The following TBC1D5 variants were observed in gnomAD, a reference collection of about 807,000 sequenced individuals.
TBC1D5 encodes TBC1 domain family member 5, also known as TBC1 domain family, member 5.
TBC1D5 carries 75 observed loss-of-function variants against 100.3 expected under a neutral mutation model. That is an observed-to-expected ratio of 0.75 (90% CI 0.62 to 0.91). TBC1D5 has a LOEUF of 0.91. Ranked by LOEUF, TBC1D5 falls within the 40% of genes least tolerant of loss-of-function variation. The probability of loss-of-function intolerance (pLI) is 0.00; values close to 1 mark genes in which losing one functional copy is unlikely to be tolerated. For missense variants in TBC1D5, 910 were observed against 942.4 expected (o/e 0.97, Z 0.45); for synonymous variants, 323 against 325.6 (o/e 0.99, Z 0.09).
At chr3:17,515,891 C>T (rs2095980143) in intron 2 of TBC1D5, among the ~76,000 whole-genome samples, 1 of 152,064 alleles carries the variant, frequency 6.6e-6, no homozygotes, top group Non-Finnish European at 1.5e-5. Flanking sequence ...ATGAAAAAAT[C>T]ACACTTGATC....
chr3:17,475,033 C>G lies in TBC1D5; in HGVS notation c.97+33441G>C, dbSNP rs932176326. Among the ~76,000 whole-genome samples, 6 of 152,150 alleles carry G rather than the reference C, an allele frequency of 3.9e-5. 1 individual carries two copies. The South Asian group carries it at 6.2e-4, about 16-fold the overall frequency. ...AATTATTAAGCATCCAAAATATTGC[C>G]TAAGAATTGCTAGTTTATGTCCTTT... is the stretch of plus-strand genomic sequence containing the variant. On this transcript the variant is annotated intron_variant, in intron 3 of 21. Coordinates refer to ENST00000253692, the Ensembl canonical transcript of TBC1D5.
At chr3:17,273,030 A>T (rs1409469453) in intron 15 of TBC1D5, among the ~76,000 whole-genome samples, 1 of 151,654 alleles carries the variant, frequency 6.6e-6, no homozygotes, top group African/African-American at 2.4e-5. Context: ...CTTGACTTTT[A>T]TTTTTTTATG....
chr3:17,376,472 G>A (rs1285711035), intron 10 of TBC1D5, 53 bp downstream of exon 10: 1 of 1,503,074 alleles, frequency 6.7e-7, no homozygotes, highest in Non-Finnish European at 9.1e-7. Context: ...AAAAACAAAG[G>A]TTACCGTGGG....
At chr3:17,705,371 C>T (rs1251102260) in intron 1 of TBC1D5, among the ~76,000 whole-genome samples, 2 of 127,626 alleles carry the variant, frequency 1.6e-5, no homozygotes, top group East Asian at 3.4e-4. Flanking sequence ...CCCTCCCGGA[C>T]GGGGTGGCTG....
intron 16 of TBC1D5, among the ~76,000 whole-genome samples, chr3:17,238,868 T>C (rs750638057): frequency 7.9e-5 from 12 of 152,166 alleles, no homozygotes; most frequent in Non-Finnish European, 1.3e-4. Context: ...AAGCTAAGAA[T>C]AGATTTCTTA....
chr3:17,233,402 T>C (rs975735908), intron 17 of TBC1D5, among the ~76,000 whole-genome samples: 4 of 152,172 alleles, frequency 2.6e-5, no homozygotes, highest in Non-Finnish European at 4.4e-5. Context: ...AAGTATACTA[T>C]GTTATAATAA....
At chr3:17,475,462 T>A (rs1343632351) in intron 3 of TBC1D5, among the ~76,000 whole-genome samples, 1 of 152,124 alleles carries the variant, frequency 6.6e-6, no homozygotes, top group Non-Finnish European at 1.5e-5. Flanking sequence ...CTTTAGTAAA[T>A]GTTATCACCT....
At chr3:17,657,525 C>T (rs2066208937) in intron 1 of TBC1D5, among the ~76,000 whole-genome samples, 1 of 151,938 alleles carries the variant, frequency 6.6e-6, no homozygotes, top group Admixed American at 6.6e-5. Context: ...TTAGTAAAGA[C>T]AGGGTTTCAC....
chr3:17,468,347 C>T (rs1010357213), intron 3 of TBC1D5, among the ~76,000 whole-genome samples: 17 of 152,180 alleles, frequency 1.1e-4, no homozygotes, highest in African/African-American at 3.9e-4. Context: ...CCAAAACTTA[C>T]ATGGTTCACT....
At chr3:17,251,050 TA>T (rs1411175575) in intron 16 of TBC1D5, among the ~76,000 whole-genome samples, 1 of 152,176 alleles carries the variant, frequency 6.6e-6, no homozygotes, top group Non-Finnish European at 1.5e-5. Flanking sequence ...CAAGCACTGG[TA>T]AAAGTGCCTG....
chr3:17,444,931 C>T (rs1365596384), intron 3 of TBC1D5, among the ~76,000 whole-genome samples: 2 of 152,302 alleles, frequency 1.3e-5, no homozygotes, highest in South Asian at 4.1e-4. Flanking sequence ...TGTATTCCTA[C>T]AGCTACTAAC....
chr3:17,265,124 T>G (rs568828593), intron 15 of TBC1D5, among the ~76,000 whole-genome samples: 38 of 152,336 alleles, frequency 2.5e-4, no homozygotes, highest in Middle Eastern at 3.4e-3. Flanking sequence ...AATCATACTA[T>G]TAATGCAGCA....
At chr3:17,530,138 G>A (rs2096200045) in intron 2 of TBC1D5, among the ~76,000 whole-genome samples, 1 of 151,816 alleles carries the variant, frequency 6.6e-6, no homozygotes, top group Non-Finnish European at 1.5e-5. Flanking sequence ...CAGCTACTTG[G>A]GAGGCTAAGG....
intron 13 of TBC1D5, among the ~76,000 whole-genome samples, chr3:17,328,202 T>A (rs963369144): frequency 2.6e-5 from 4 of 151,828 alleles, no homozygotes; most frequent in African/African-American, 9.7e-5. Context: ...CATGGGAGGT[T>A]GAGGCCACAG....
In TBC1D5 at chr3:17,403,650, G is replaced by C. The variant is rs555445259; in HGVS notation, c.442-402C>G. 1.1e-4 allele frequency among the ~76,000 whole-genome samples: 17 copies of C among 152,158 alleles called. No individual in the cohort carries two copies. In the South Asian group the frequency reaches 3.5e-3, roughly 32 times the overall value. ...TCTATTAGGTATTATAAGTAATCTAGAGATTATTTAAAGTATACAAGAGGA... is the reference window on the plus strand; with the variant it reads ...TCTATTAGGTATTATAAGTAATCTACAGATTATTTAAAGTATACAAGAGGA... On this transcript the variant is annotated intron_variant, in intron 7 of 21. Transcript: ENST00000253692.
chr3:17,249,715 A>G (rs1417019687), intron 16 of TBC1D5, among the ~76,000 whole-genome samples: 3 of 152,206 alleles, frequency 2.0e-5, no homozygotes, highest in African/African-American at 4.8e-5. Flanking sequence ...ATAGCAACAC[A>G]AAAATGGCCT....
chr3:17,378,805 T>C (rs1195643082), intron 9 of TBC1D5, among the ~76,000 whole-genome samples: 1 of 151,414 alleles, frequency 6.6e-6, no homozygotes, highest in Admixed American at 6.6e-5. Context: ...TTAACTGATA[T>C]AAGTTTAATT....
intron 3 of TBC1D5, among the ~76,000 whole-genome samples, chr3:17,467,997 C>A (rs1242768119): frequency 1.3e-5 from 2 of 152,026 alleles, no homozygotes; most frequent in South Asian, 2.1e-4. Context: ...AGTAAAGAGA[C>A]TAAAGAAAGA....
chr3:17,405,006 TA>T, intron 5 of TBC1D5, 45 bp from the exon 6 acceptor site: 1 of 1,317,170 alleles, frequency 7.6e-7, no homozygotes, highest in Non-Finnish European at 1.1e-6. Context: ...TCTTAAGATA[TA>T]AAATGTGAAA....
Sources: gnomAD v4.1 joint callset for allele counts (sites outside exome capture counted in the v4.1 genomes callset) on GRCh38, gnomAD v4.1.1 for gene constraint, MANE v1.5 for transcripts, NCBI Gene and HGNC (gene_info 2026-07-23, HGNC 2026-07-21) for gene names.